The following ANKRD30B variants were observed in gnomAD, a reference collection of about 807,000 sequenced individuals.
ANKRD30B encodes the protein ankyrin repeat domain-containing protein 30B.
A neutral mutation model predicts 202.2 loss-of-function variants in ANKRD30B; 144 were observed. The ratio of observed to expected loss-of-function variants is 0.71; its 90% CI spans 0.62 to 0.82. The LOEUF (loss-of-function observed/expected upper bound fraction) is 0.82, where lower values mean the gene tolerates loss of function less well. Ranked by LOEUF, ANKRD30B falls within the 40% of genes least tolerant of loss-of-function variation. ANKRD30B has a pLI of 0.00. For synonymous variants in ANKRD30B, 508 were observed against 561.3 expected (o/e 0.91, Z 1.34); for missense variants, 1,487 against 1,669.1 (o/e 0.89, Z 1.90).
At chr18:14,853,318 G>C (rs1163843862) in intron 42 of ANKRD30B, among the ~76,000 whole-genome samples, 2 of 152,116 alleles carry the variant, frequency 1.3e-5, no homozygotes, top group African/African-American at 4.8e-5. Context: ...GAGTAGAGGA[G>C]AGAAACATAG....
At chr18:14,936,253 A>C in the ANKRD30B span, among the ~76,000 whole-genome samples, 1 of 152,162 alleles carries the variant, frequency 6.6e-6, no homozygotes, top group African/African-American at 2.4e-5. Context: ...TCTGTGTTGG[A>C]GGTGTTTCCC....
intron 1 of ANKRD30B, among the ~76,000 whole-genome samples, chr18:14,749,282 A>G (rs1313109317): frequency 2.6e-5 from 4 of 152,184 alleles, no homozygotes; most frequent in Non-Finnish European, 5.9e-5. Context: ...ACATTTTTTA[A>G]ATTACACAGG....
At chr18:14,858,592 C>T (rs1182739381), downstream of ANKRD30B, among the ~76,000 whole-genome samples, 1 of 110,774 alleles carries the variant, frequency 9.0e-6, no homozygotes. Context: ...GCAAGAGGTG[C>T]TCCTCATTTC....
At chr18:14,788,743 C>A (rs1598619166) in intron 15 of ANKRD30B, among the ~76,000 whole-genome samples, 1 of 151,848 alleles carries the variant, frequency 6.6e-6, no homozygotes, top group African/African-American at 2.4e-5. Context: ...TTTATGGCTG[C>A]ATAGTAATCC....
At chr18:14,822,847 C>T (rs1218551190) in intron 32 of ANKRD30B, among the ~76,000 whole-genome samples, 170 bp downstream of exon 32, 3 of 150,510 alleles carry the variant, frequency 2.0e-5, no homozygotes, top group African/African-American at 7.3e-5. Flanking sequence ...CATTTACAAG[C>T]GTAAGATTTA....
chr18:14,916,780 T>C, the ANKRD30B span, among the ~76,000 whole-genome samples: 7 of 152,246 alleles, frequency 4.6e-5, no homozygotes, highest in Non-Finnish European at 8.8e-5. Flanking sequence ...ACATGCATTT[T>C]ATTGCCGACC....
At chr18:14,815,076 G>C (rs1970016223) in intron 30 of ANKRD30B, among the ~76,000 whole-genome samples, 1 of 18,382 alleles carries the variant, frequency 5.4e-5, no homozygotes, top group Admixed American at 5.5e-4. Flanking sequence ...AAAATGAAAT[G>C]ATTCTTTAGG....
At chr18:14,875,235 AG>A in the ANKRD30B span, among the ~76,000 whole-genome samples, 1 of 152,202 alleles carries the variant, frequency 6.6e-6, no homozygotes, top group Non-Finnish European at 1.5e-5. Context: ...CTCTGGAGCA[AG>A]GAAACCCCAT....
the ANKRD30B span, among the ~76,000 whole-genome samples, chr18:14,928,070 C>T: frequency 2.0e-5 from 3 of 152,000 alleles, no homozygotes; most frequent in Non-Finnish European, 2.9e-5. Context: ...TAGGTTCAAG[C>T]GATTCTCCTG....
intron 10 of ANKRD30B, among the ~76,000 whole-genome samples, chr18:14,779,448 C>T (rs184058731): frequency 1.3e-5 from 2 of 152,298 alleles, no homozygotes; most frequent in East Asian, 3.9e-4. Flanking sequence ...ACCAAATATA[C>T]TGTCATGGCA....
At chr18:14,860,706 A>G in the ANKRD30B span, among the ~76,000 whole-genome samples, 508 of 151,866 alleles carry the variant, frequency 3.3e-3, 3 homozygotes, top group Non-Finnish European at 5.4e-3. Flanking sequence ...ATGCCATCCA[A>G]TAATTTTTTT....
At chr18:14,880,105 C>T in the ANKRD30B span, among the ~76,000 whole-genome samples, 6 of 148,756 alleles carry the variant, frequency 4.0e-5, no homozygotes, top group Non-Finnish European at 7.5e-5. Flanking sequence ...ATGTGGCTCG[C>T]CAATTATCCC....
chr18:14,767,043 T>C (rs546793644), intron 7 of ANKRD30B, among the ~76,000 whole-genome samples: 2 of 152,314 alleles, frequency 1.3e-5, no homozygotes, highest in South Asian at 4.1e-4. Context: ...TACCTAACTT[T>C]TTGTAACTGA....
chr18:14,806,500 C>T (rs970493535), intron 24 of ANKRD30B, among the ~76,000 whole-genome samples: 1 of 150,848 alleles, frequency 6.6e-6, no homozygotes, highest in African/African-American at 2.5e-5. Flanking sequence ...CTCCAGTGTA[C>T]CCCTTTATAA....
At chr18:14,860,553 G>A in the ANKRD30B span, among the ~76,000 whole-genome samples, 5 of 148,718 alleles carry the variant, frequency 3.4e-5, no homozygotes, top group Non-Finnish European at 7.4e-5. Flanking sequence ...GGGCAGAGGC[G>A]TTACTCACCT....
chr18:14,818,186 AAC>A (rs1431378044), intron 30 of ANKRD30B, among the ~76,000 whole-genome samples: 2 of 152,168 alleles, frequency 1.3e-5, no homozygotes, highest in East Asian at 3.9e-4. Context: ...GCTTTTTCAT[AAC>A]AGTGTTTTAG....
chr18:14,902,754 C>T, the ANKRD30B span, among the ~76,000 whole-genome samples: 5 of 152,136 alleles, frequency 3.3e-5, no homozygotes, highest in African/African-American at 1.2e-4. Flanking sequence ...CTTGTACACT[C>T]GATTTGTCCC....
intron 15 of ANKRD30B, among the ~76,000 whole-genome samples, chr18:14,789,139 G>A (rs1333603380): frequency 6.6e-6 from 1 of 152,134 alleles, no homozygotes; most frequent in Non-Finnish European, 1.5e-5. Flanking sequence ...TTTCTCTGAT[G>A]GCCAATGATG....
chr18:14,792,788 T>C (rs542633516), intron 16 of ANKRD30B, among the ~76,000 whole-genome samples: 1 of 152,004 alleles, frequency 6.6e-6, no homozygotes, highest in African/African-American at 2.4e-5. Context: ...GAATAAGATA[T>C]ACTAGAATGT....
Sources: gnomAD v4.1 joint callset for allele counts (sites outside exome capture counted in the v4.1 genomes callset) on GRCh38, gnomAD v4.1.1 for gene constraint, MANE v1.5 for transcripts, NCBI Gene and HGNC (gene_info 2026-07-23, HGNC 2026-07-21) for gene names.